VPS35L: variants seen among roughly 807,000 people sequenced by gnomAD.
The protein encoded by VPS35L is VPS35 endosomal protein-sorting factor-like.
A neutral mutation model predicts 133.0 loss-of-function variants in VPS35L; 83 were observed. The ratio of observed to expected loss-of-function variants is 0.62; its 90% CI spans 0.52 to 0.75. VPS35L has a LOEUF of 0.75. VPS35L is among the 30% of genes least tolerant of loss of function. The pLI is 0.00. For synonymous variants in VPS35L, 423 were observed against 449.9 expected, an observed-to-expected ratio of 0.94 and a Z score of 0.76; for missense variants, 1,083 against 1,206.8, an observed-to-expected ratio of 0.90 and a Z score of 1.52.
intron 1 of VPS35L, among the ~76,000 whole-genome samples, chr16:19,561,026 C>T (rs1381269738): frequency 6.6e-6 from 1 of 151,704 alleles, no homozygotes; most frequent in East Asian, 1.9e-4. Flanking sequence ...GTAAATATGA[C>T]CCCAGAGGGA....
chr16:19,634,456 A>G (rs1324874397), intron 19 of VPS35L, among the ~76,000 whole-genome samples: 1 of 150,622 alleles, frequency 6.6e-6, no homozygotes, highest in Admixed American at 6.6e-5. Flanking sequence ...TGAAATACCC[A>G]TGTGAAAAGG....
intron 27 of VPS35L, among the ~76,000 whole-genome samples, chr16:19,678,471 C>T (rs1368536727): frequency 1.3e-5 from 2 of 151,830 alleles, no homozygotes; most frequent in Non-Finnish European, 2.9e-5. Flanking sequence ...TGGCACTGAA[C>T]CATCTGTACA....
chr16:19,594,369 C>A (rs557516132), intron 8 of VPS35L, among the ~76,000 whole-genome samples: 3 of 152,266 alleles, frequency 2.0e-5, no homozygotes, highest in African/African-American at 7.2e-5. Context: ...CTTGGCTAGG[C>A]ACAGTGGCTC....
intron 10 of VPS35L, chr16:19,608,667 C>G (rs1342109507): frequency 2.5e-5 from 10 of 406,878 alleles, no homozygotes; most frequent in Admixed American, 4.0e-5. Context: ...TAAATTCCAT[C>G]TTAGTTACCT....
intron 28 of VPS35L, among the ~76,000 whole-genome samples, chr16:19,688,874 G>T (rs976856927): frequency 6.6e-6 from 1 of 152,176 alleles, no homozygotes; most frequent in Non-Finnish European, 1.5e-5. Flanking sequence ...TCTAGGGTTT[G>T]CAGCAGGCTG....
chr16:19,676,841 A>G lies in VPS35L; in HGVS notation c.2362-5384A>G, dbSNP rs566335619. Reference sequence around the variant, plus strand: ...TAAACAAATAAGTACACATTTAACTACAATTGCACAAAGCGCCATAAAGAA... The same window carrying G: ...TAAACAAATAAGTACACATTTAACTGCAATTGCACAAAGCGCCATAAAGAA... On this transcript the variant is annotated intron_variant, in intron 27 of 30. Coordinates refer to ENST00000417362, the MANE Select transcript of VPS35L (RefSeq NM_020314.7). Among the ~76,000 whole-genome samples, 3 of 152,304 alleles carry G rather than the reference A, an allele frequency of 2.0e-5. No individual in the cohort carries two copies. In the South Asian group the frequency reaches 6.2e-4, roughly 32 times the overall value.
chr16:19,598,490 A>C (rs1313799896), intron 8 of VPS35L, among the ~76,000 whole-genome samples: 1 of 152,222 alleles, frequency 6.6e-6, no homozygotes, highest in Non-Finnish European at 1.5e-5. Context: ...GATCCTTAAA[A>C]TATGAAAGTG....
At chr16:19,673,949 T>C (rs1052809542) in intron 27 of VPS35L, among the ~76,000 whole-genome samples, 2 of 152,132 alleles carry the variant, frequency 1.3e-5, no homozygotes, top group African/African-American at 4.8e-5. Flanking sequence ...GCAGTGTGCC[T>C]TATTTGCTCA....
chr16:19,677,838 A>G (rs900870895), intron 27 of VPS35L, among the ~76,000 whole-genome samples: 1 of 152,194 alleles, frequency 6.6e-6, no homozygotes, highest in Non-Finnish European at 1.5e-5. Flanking sequence ...ATACGAGCTC[A>G]CCTGTGTTCT....
intron 26 of VPS35L, among the ~76,000 whole-genome samples, chr16:19,665,578 T>C (rs768949378): frequency 8.5e-5 from 13 of 152,236 alleles, no homozygotes; most frequent in Non-Finnish European, 1.3e-4. Context: ...TCCGTTTGTC[T>C]GTTGACGGAC....
chr16:19,645,176 G>A (rs1973901781), intron 23 of VPS35L, among the ~76,000 whole-genome samples: 6 of 152,072 alleles, frequency 3.9e-5, no homozygotes, highest in Admixed American at 3.9e-4. Flanking sequence ...GGTGATGGGA[G>A]GAGGGATTTC....
chr16:19,680,120 A>G (rs1975216568), intron 27 of VPS35L, among the ~76,000 whole-genome samples: 1 of 152,178 alleles, frequency 6.6e-6, no homozygotes, highest in African/African-American at 2.4e-5. Flanking sequence ...TGGGTCCCCC[A>G]TGTACCAACT....
chr16:19,700,563 G>GA lies in VPS35L; in HGVS notation c.*87_*88insA. The GA allele has an allele frequency of 8.7e-7, 1 of 1,147,582 alleles. No homozygotes were observed. Among genetic ancestry groups the GA allele is most frequent in the South Asian group, 1.3e-5 (1 of 75,100 alleles). The allele number at this position is 1,147,582 out of a possible 1,614,324, so 71.1% of individuals were successfully genotyped here. Reference sequence around the variant, plus strand: ...TGCCCTGAACTCTTACGGCAATTTAGGTTTCTCATTTTTCTTTTCTTTTTA... The same window carrying GA: ...TGCCCTGAACTCTTACGGCAATTTAGAGTTTCTCATTTTTCTTTTCTTTTTA... On this transcript the variant is annotated 3_prime_UTR_variant, in exon 31 of 31. Coordinates refer to ENST00000417362, the MANE Select transcript of VPS35L (RefSeq NM_020314.7).
chr16:19,689,040 CT>C (rs766276644), intron 28 of VPS35L, among the ~76,000 whole-genome samples: 4,966 of 134,554 alleles, frequency 0.037, 263 homozygotes, highest in African/African-American at 0.12. Context: ...GGTGTCTCTT[CT>C]TTTTTTTTTT....
intron 7 of VPS35L, 109 bp from the exon 8 acceptor site, chr16:19,591,681 A>C: frequency 1.3e-6 from 1 of 776,700 alleles, no homozygotes. Context: ...CTTGGCACAT[A>C]GTAAGTATCT....
chr16:19,556,062 G>A (rs898956167), intron 1 of VPS35L, among the ~76,000 whole-genome samples: 3 of 152,196 alleles, frequency 2.0e-5, no homozygotes, highest in African/African-American at 7.2e-5. Flanking sequence ...CGGGTTCTGG[G>A]GTCGCTGGAT....
chr16:19,620,686 C>T (rs970254076), intron 14 of VPS35L, among the ~76,000 whole-genome samples: 1 of 152,182 alleles, frequency 6.6e-6, no homozygotes, highest in African/African-American at 2.4e-5. Context: ...CGTGGTGGCA[C>T]ATGCCTGTAA....
At chr16:19,676,878 A>T (rs1975080998) in intron 27 of VPS35L, among the ~76,000 whole-genome samples, 1 of 152,104 alleles carries the variant, frequency 6.6e-6, no homozygotes, top group Non-Finnish European at 1.5e-5. Flanking sequence ...TACAGAAGCC[A>T]ACTACAGTTG....
intron 12 of VPS35L, among the ~76,000 whole-genome samples, chr16:19,611,249 G>A (rs1972709750): frequency 2.6e-5 from 4 of 152,166 alleles, no homozygotes; most frequent in Admixed American, 6.5e-5. Context: ...ATCTGCCCAC[G>A]TTGGCCTCCC....
Sources: gnomAD v4.1 joint callset for allele counts (sites outside exome capture counted in the v4.1 genomes callset) on GRCh38, gnomAD v4.1.1 for gene constraint, MANE v1.5 for transcripts, NCBI Gene and HGNC (gene_info 2026-07-23, HGNC 2026-07-21) for gene names.